Variants in ENTPD5 observed in about 807,000 individuals in gnomAD.
ENTPD5 encodes the protein ectonucleoside triphosphate diphosphohydrolase 5 (inactive).
Under a neutral mutation model 60.2 loss-of-function variants are expected in ENTPD5, and 49 were observed. The ratio of observed to expected loss-of-function variants is 0.81; its 90% CI spans 0.65 to 1.03. The LOEUF (loss-of-function observed/expected upper bound fraction) is 1.03. Among genes scored for constraint, ENTPD5 ranks in the 50% least tolerant of loss-of-function variants. The pLI, the probability that ENTPD5 is intolerant of heterozygous loss-of-function variation, is 0.00. For missense variants in ENTPD5, 480 were observed against 507.6 expected, an observed-to-expected ratio of 0.95 and a Z score of 0.52; for synonymous variants, 187 against 185.4, an observed-to-expected ratio of 1.01 and a Z score of -0.07.
intron 15 of ENTPD5, among the ~76,000 whole-genome samples, chr14:73,968,985 AC>A (rs1405855874): frequency 1.3e-5 from 2 of 152,222 alleles, no homozygotes; most frequent in African/African-American, 4.8e-5. Flanking sequence ...AATATATATG[AC>A]ACATTACATA....
downstream of ENTPD5, chr14:73,959,223 C>A (rs371260604): frequency 6.2e-7 from 1 of 1,614,212 alleles, no homozygotes; most frequent in South Asian, 1.1e-5. Flanking sequence ...GCTCTGCTCC[C>A]GGTAAGAGGT....
chr14:73,983,112 G>C lies in ENTPD5; in HGVS notation c.347C>G (p.Pro116Arg). ...GLLEVAKDSI[P>R]RSHWKKTPVV... ...TGGGGTCTTTTTCCAGTGACTTCGGGGGATTGAGTCTTTGGCCACCTCTAA... is the reference window on the plus strand; with the variant it reads ...TGGGGTCTTTTTCCAGTGACTTCGGCGGATTGAGTCTTTGGCCACCTCTAA... The change falls in exon 6 of 16, where the codon CCC becomes CGC. Residue 116 changes from proline (P) to arginine (R), a missense_variant. Coordinates refer to ENST00000334696, the MANE Select transcript of ENTPD5 (RefSeq NM_001249.5). The C allele has an allele frequency of 6.2e-7, 1 of 1,614,128 alleles. No homozygotes were observed. The highest frequency in any genetic ancestry group is 8.5e-7 in the Non-Finnish European group (1 of 1,180,008).
At chr14:74,012,292 G>T (rs201267632) in intron 2 of ENTPD5, among the ~76,000 whole-genome samples, 1 of 83,576 alleles carries the variant, frequency 1.2e-5, no homozygotes, top group Admixed American at 1.1e-4. Flanking sequence ...TTAGTAGAGA[G>T]GGGGGGGTTT....
At chr14:73,969,928 T>C in intron 15 of ENTPD5, 82 bp downstream of exon 15, 1 of 974,690 alleles carries the variant, frequency 1.0e-6, no homozygotes, top group Non-Finnish European at 1.7e-6. Flanking sequence ...TTCTAGCTAC[T>C]CTGATTACTG....
intron 3 of ENTPD5, among the ~76,000 whole-genome samples, chr14:73,998,610 C>A (rs2058411232): frequency 6.6e-6 from 1 of 152,008 alleles, no homozygotes; most frequent in Non-Finnish European, 1.5e-5. Context: ...CCATAAATTA[C>A]CTCTATAAAG....
chr14:74,002,628 T>C (rs1364336961), intron 3 of ENTPD5, among the ~76,000 whole-genome samples: 2 of 152,160 alleles, frequency 1.3e-5, no homozygotes, highest in African/African-American at 4.8e-5. Context: ...AATCCGACCA[T>C]TTCTGACCAC....
chr14:73,960,926 T>A (rs1290780729), downstream of ENTPD5: 2 of 590,916 alleles, frequency 3.4e-6, no homozygotes, highest in African/African-American at 3.7e-5. Flanking sequence ...GGGTGGGGAC[T>A]AGTGAAAGGT....
At chr14:74,010,781 C>T (rs1485155453) in intron 3 of ENTPD5, among the ~76,000 whole-genome samples, 1 of 152,134 alleles carries the variant, frequency 6.6e-6, no homozygotes, top group Non-Finnish European at 1.5e-5. Context: ...TGACATCATG[C>T]TATATATTTT....
chr14:73,987,210 A>C, intron 4 of ENTPD5: 1 of 694,482 alleles, frequency 1.4e-6, no homozygotes, highest in South Asian at 1.5e-5. Flanking sequence ...CTCATGTCCA[A>C]GGATGGCAGT....
chr14:73,993,798 T>C (rs1027435192), intron 3 of ENTPD5, among the ~76,000 whole-genome samples: 3 of 152,126 alleles, frequency 2.0e-5, no homozygotes, highest in Admixed American at 2.0e-4. Context: ...TTTGTATTAA[T>C]ATATCATTGT....
downstream of ENTPD5, chr14:73,955,375 G>A (rs537163715): frequency 1.1e-5 from 12 of 1,076,694 alleles, no homozygotes; most frequent in South Asian, 3.7e-5. Flanking sequence ...AACCTCTTAC[G>A]TAACAGGATG....
chr14:73,966,627 C>T lies in ENTPD5; in HGVS notation c.*301G>A, dbSNP rs761288013. 20 of 288,122 alleles carry T rather than the reference C, an allele frequency of 6.9e-5. No homozygotes were observed. Among genetic ancestry groups the T allele is most frequent in the Non-Finnish European group, 1.3e-4 (20 of 154,140 alleles). 17.8% of individuals were successfully genotyped at this position (288,122 alleles called of 1,614,324 possible). On this transcript the variant is annotated 3_prime_UTR_variant, in exon 16 of 16. Coordinates refer to ENST00000334696, the MANE Select transcript of ENTPD5 (RefSeq NM_001249.5). ...AATTTAAATATTCAGTGGAATGAGG[C>T]ACTCAAAGGGTTGAAATGCGATTTT...
At chr14:73,995,445 G>A (rs1198750522) in intron 3 of ENTPD5, among the ~76,000 whole-genome samples, 1 of 151,700 alleles carries the variant, frequency 6.6e-6, no homozygotes, top group African/African-American at 2.4e-5. Context: ...TACTCCAAAG[G>A]GATAAACAAT....
At chr14:74,003,009 T>C (rs1566761043) in intron 3 of ENTPD5, among the ~76,000 whole-genome samples, 1 of 152,152 alleles carries the variant, frequency 6.6e-6, no homozygotes, top group Non-Finnish European at 1.5e-5. Flanking sequence ...GAAATTCTTT[T>C]CCTATATATC....
rs1013293652 is a variant in ENTPD5 at position 73,984,596 on chromosome 14, G to A, written c.298-1435C>T. 4.6e-5 allele frequency among the ~76,000 whole-genome samples: 7 copies of A among 152,070 alleles called. No individual in the cohort carries two copies. In the South Asian group the frequency reaches 6.2e-4, roughly 14 times the overall value. Reference sequence around the variant, plus strand: ...ATCTGACTGCCCTTTGATCATTATTGTTAGCAACTACAACACGATCACCTT... The same window carrying A: ...ATCTGACTGCCCTTTGATCATTATTATTAGCAACTACAACACGATCACCTT... On this transcript the variant is annotated intron_variant, in intron 5 of 15. Coordinates refer to ENST00000334696, the MANE Select transcript of ENTPD5 (RefSeq NM_001249.5).
rs5809639 is a variant in ENTPD5, at chr14:74,002,553, CA to C, written c.-71+8537del. Among the ~76,000 whole-genome samples, 440 of 152,284 alleles carry C rather than the reference CA, an allele frequency of 2.9e-3. 4 individuals carry two copies. The highest frequency in any genetic ancestry group is 0.01 in the African/African-American group (423 of 41,546). On this transcript the variant is annotated intron_variant, in intron 3 of 15. Transcript: ENST00000334696. The stretch of plus-strand genomic sequence containing the variant: ...AATAGCTGGGATAACAGGGTTGAGC[CA>C]CTGTGCCCAGCTAATCAAGAGATTT...
chr14:74,007,189 C>T (rs1265826018), intron 3 of ENTPD5, among the ~76,000 whole-genome samples: 1 of 151,844 alleles, frequency 6.6e-6, no homozygotes, highest in Non-Finnish European at 1.5e-5. Flanking sequence ...AAGTTCAAGG[C>T]CAGCCAAGCT....
chr14:73,994,835 T>A (rs2058280466), intron 3 of ENTPD5, among the ~76,000 whole-genome samples: 1 of 152,058 alleles, frequency 6.6e-6, no homozygotes, highest in Non-Finnish European at 1.5e-5. Context: ...TGCTCAAATA[T>A]GTCAGCTTCT....
chr14:73,959,620 C>G, downstream of ENTPD5: 1 of 1,579,866 alleles, frequency 6.3e-7, no homozygotes, highest in Non-Finnish European at 8.6e-7. Context: ...CAGGCTGGAG[C>G]GCAGTGGCGC....
Sources: allele counts gnomAD v4.1 joint callset (sites outside exome capture counted in the v4.1 genomes callset), GRCh38; gene constraint gnomAD v4.1.1; transcripts MANE v1.5; gene names NCBI Gene and HGNC (gene_info 2026-07-23, HGNC 2026-07-21).